Variants in LRP1B observed in about 807,000 individuals in gnomAD.
The protein encoded by LRP1B is low-density lipoprotein receptor-related protein 1B.
LRP1B carries 217 observed loss-of-function variants against 556.6 expected under a neutral mutation model. The observed-to-expected ratio is 0.39, with a 90% CI of 0.35 to 0.44. The LOEUF (loss-of-function observed/expected upper bound fraction) is 0.44. LRP1B is among the 20% of genes least tolerant of loss of function. LRP1B has a pLI of 1.00. For synonymous variants in LRP1B, 2,047 were observed against 1,865.8 expected, an observed-to-expected ratio of 1.10 and a Z score of -2.50; for missense variants, 5,053 against 5,620.8, an observed-to-expected ratio of 0.90 and a Z score of 3.23.
chr2:140,840,293 T>C (rs1692060080), intron 30 of LRP1B, among the ~76,000 whole-genome samples: 2 of 152,212 alleles, frequency 1.3e-5, no homozygotes, highest in African/African-American at 4.8e-5. Context: ...CTTTTTCCTG[T>C]TAGTGAAGAA....
chr2:141,785,128 C>T (rs1273873019), intron 2 of LRP1B, among the ~76,000 whole-genome samples: 1 of 151,906 alleles, frequency 6.6e-6, no homozygotes, highest in Non-Finnish European at 1.5e-5. Context: ...GACTAGTCTG[C>T]CAAATGACAC....
intron 27 of LRP1B, among the ~76,000 whole-genome samples, chr2:140,853,762 GAA>G (rs1233454634): frequency 6.6e-6 from 1 of 152,126 alleles, no homozygotes; most frequent in Non-Finnish European, 1.5e-5. Context: ...AAAGATAATA[GAA>G]AAGAGTAGAA....
intron 1 of LRP1B, among the ~76,000 whole-genome samples, chr2:142,029,834 T>G (rs1406211595): frequency 6.6e-6 from 1 of 151,908 alleles, no homozygotes; most frequent in Non-Finnish European, 1.5e-5. Flanking sequence ...CTTCACTTTT[T>G]TTTCTCTTTA....
At position 141,393,412 on chromosome 2, in the gene LRP1B, T is replaced by G. The variant is rs865798303; in HGVS notation, c.343+86984A>C. On this transcript the variant is annotated intron_variant, in intron 3 of 90. Transcript: ENST00000389484. ...TCTCTTAGCTTCCCCTGCTTAAAAC[T>G]TATTCTTTGTTATTTCCCAGGCCCA... Among the ~76,000 whole-genome samples the G allele has an allele frequency of 2.6e-5, 4 of 152,326 alleles. No homozygotes were observed. The South Asian group carries it at 8.3e-4, about 32-fold the overall frequency.
intron 3 of LRP1B, among the ~76,000 whole-genome samples, chr2:141,440,944 C>T (rs972819537): frequency 5.9e-5 from 9 of 152,282 alleles, no homozygotes; most frequent in African/African-American, 2.2e-4. Flanking sequence ...AGGGATGCTA[C>T]TAAACATTGT....
At chr2:141,890,619 C>T (rs905326458) in intron 1 of LRP1B, among the ~76,000 whole-genome samples, 3 of 151,754 alleles carry the variant, frequency 2.0e-5, no homozygotes, top group Middle Eastern at 3.2e-3. Context: ...CACATAAGAA[C>T]ACCAGGGCCC....
rs578149270 is a variant in LRP1B at position 141,007,311 on chromosome 2, T to C, written c.2381-1854A>G. ...TTCAACACATTACCACAGGTTATCA[T>C]TGAGTGCCCGTAGATCAGAACAAAT... On this transcript the variant is annotated intron_variant, in intron 14 of 90. Transcript: ENST00000389484. Among the ~76,000 whole-genome samples, 2 of 151,978 alleles carry C rather than the reference T, an allele frequency of 1.3e-5. 1 individual carries two copies. The highest frequency in any genetic ancestry group is 1.3e-4 in the Admixed American group (2 of 15,218).
intron 3 of LRP1B, among the ~76,000 whole-genome samples, chr2:141,321,322 A>T (rs990634987): frequency 6.6e-6 from 1 of 152,148 alleles, no homozygotes. Context: ...TAAAGAAATC[A>T]GGCACAGCTT....
chr2:141,119,656 A>C (rs1700994175), intron 7 of LRP1B, among the ~76,000 whole-genome samples: 1 of 151,830 alleles, frequency 6.6e-6, no homozygotes. Context: ...AAAAATAACT[A>C]ATGCATGTCT....
intron 1 of LRP1B, among the ~76,000 whole-genome samples, chr2:142,042,563 C>T (rs1223699657): frequency 6.6e-6 from 1 of 151,360 alleles, no homozygotes; most frequent in Non-Finnish European, 1.5e-5. Context: ...TTTGATTTAA[C>T]TGTTTGTTAT....
chr2:141,719,515 T>C (rs1692739325), intron 2 of LRP1B, among the ~76,000 whole-genome samples: 1 of 152,114 alleles, frequency 6.6e-6, no homozygotes. Context: ...ATGAGAACTA[T>C]AACAATATTT....
intron 2 of LRP1B, among the ~76,000 whole-genome samples, chr2:141,596,153 G>GCTA: frequency 6.6e-6 from 1 of 151,982 alleles, no homozygotes; most frequent in Middle Eastern, 3.4e-3. Flanking sequence ...TACTACCCTA[G>GCTA]CTACTCCGAT....
chr2:140,492,716 T>C (rs759575849), intron 56 of LRP1B, 23 bp from the exon 57 acceptor site: 1 of 1,487,098 alleles, frequency 6.7e-7, no homozygotes, highest in Non-Finnish European at 9.4e-7. Flanking sequence ...ACAAATAACA[T>C]ATTAGACTTT....
intron 41 of LRP1B, among the ~76,000 whole-genome samples, chr2:140,687,576 T>C (rs1447304349): frequency 1.4e-5 from 2 of 144,334 alleles, no homozygotes; most frequent in Admixed American, 1.4e-4. Context: ...ATCCACATGA[T>C]TTTTTTTTTA....
At chr2:141,117,308 TAG>T (rs933515930) in intron 7 of LRP1B, among the ~76,000 whole-genome samples, 3 of 151,794 alleles carry the variant, frequency 2.0e-5, no homozygotes, top group Admixed American at 6.6e-5. Flanking sequence ...CTACTGTTCT[TAG>T]AGATAATTCT....
At chr2:141,640,337 T>C (rs1689284577) in intron 2 of LRP1B, among the ~76,000 whole-genome samples, 1 of 152,240 alleles carries the variant, frequency 6.6e-6, no homozygotes, top group Non-Finnish European at 1.5e-5. Context: ...AAAGAGCTAA[T>C]ACCCTGATGG....
chr2:141,720,324 T>TCTTTTAAAACTTTTAAAA (rs1322087051), intron 2 of LRP1B, among the ~76,000 whole-genome samples: 1 of 152,134 alleles, frequency 6.6e-6, no homozygotes, highest in Non-Finnish European at 1.5e-5. Context: ...CAACAATGTA[T>TCTTTTAAAACTTTTAAAA]CTTTTAAAAC....
intron 1 of LRP1B, among the ~76,000 whole-genome samples, chr2:141,948,196 G>A (rs967973316): frequency 6.6e-6 from 1 of 152,028 alleles, no homozygotes; most frequent in African/African-American, 2.4e-5. Context: ...CTACTTGGGA[G>A]GCTGGAACAT....
At chr2:141,296,939 T>C (rs987235666) in intron 3 of LRP1B, among the ~76,000 whole-genome samples, 2 of 152,178 alleles carry the variant, frequency 1.3e-5, no homozygotes, top group East Asian at 1.9e-4. Context: ...CTCCCACTTA[T>C]AGGTGAGAAC....
Sources: gnomAD v4.1 joint callset for allele counts (sites outside exome capture counted in the v4.1 genomes callset) on GRCh38, gnomAD v4.1.1 for gene constraint, MANE v1.5 for transcripts, NCBI Gene and HGNC (gene_info 2026-07-23, HGNC 2026-07-21) for gene names.